Variants in LIN7B observed in about 807,000 individuals in gnomAD.
The protein encoded by LIN7B is lin-7 cell polarity scaffold B.
A neutral mutation model predicts 27.9 loss-of-function variants in LIN7B; 16 were observed. That is an observed-to-expected ratio of 0.57 (90% CI 0.39 to 0.87). LIN7B has a LOEUF of 0.87. LIN7B is among the 40% of genes least tolerant of loss of function. LIN7B has a pLI of 0.00. For synonymous variants in LIN7B, 147 were observed against 120.8 expected, an observed-to-expected ratio of 1.22 and a Z score of -1.42; for missense variants, 291 against 288.5, an observed-to-expected ratio of 1.01 and a Z score of -0.06.
At chr19:49,118,273 C>T in intron 5 of LIN7B, 79 bp from the exon 6 acceptor site, 4 of 1,527,690 alleles carry the variant, frequency 2.6e-6, no homozygotes, top group Non-Finnish European at 3.6e-6. Context: ...TGGGCCCTTG[C>T]CTCTGCAACC....
Position 49,114,903 on chromosome 19 carries a change from C to G in LIN7B, c.92C>G (p.Pro31Arg). 2 of 1,473,546 alleles carry G rather than the reference C, an allele frequency of 1.4e-6. No individual in the cohort carries two copies. Among genetic ancestry groups the G allele is most frequent in the Non-Finnish European group, 1.8e-6 (2 of 1,113,550 alleles). The allele number at this position is 1,473,546 out of a possible 1,614,324, so 91.3% of individuals were successfully genotyped here. A position where few individuals can be genotyped will look rare whatever the true frequency, so the allele number is the denominator to read the frequency against. ...LERLQRSGELPPQKLQALQRV... is the reference protein window; with the variant it reads ...LERLQRSGELRPQKLQALQRV... ...CGGCTCCAGCGCAGCGGGGAGCTGC[C>G]GCCGCAGAAGCTGCAGGCCCTCCAG... is the stretch of plus-strand genomic sequence containing the variant. The change falls in exon 2 of 6, where the codon CCG becomes CGG. Residue 31 changes from proline (P) to arginine (R), a missense_variant. Pro to Arg is a moderately radical substitution (Grantham distance 103). Coordinates refer to ENST00000221459, the MANE Select transcript of LIN7B (RefSeq NM_022165.3).
At chr19:49,117,245 C>CA (rs1256318523) in intron 4 of LIN7B, among the ~76,000 whole-genome samples, 1,889 of 35,788 alleles carry the variant, frequency 0.053, 77 homozygotes, top group African/African-American at 0.12. Flanking sequence ...GACTCCCTCT[C>CA]AAAAAAAAAA....
At chr19:49,115,028 T>G in intron 2 of LIN7B, 61 bp downstream of exon 2, 1 of 1,151,612 alleles carries the variant, frequency 8.7e-7, no homozygotes, top group Non-Finnish European at 1.2e-6. Context: ...CTCCTCCTCC[T>G]GCTTGTCCCG....
chr19:49,117,907 A>G lies in LIN7B; in HGVS notation c.491A>G (p.Gln164Arg). The G allele has an allele frequency of 4.3e-6, 7 of 1,613,768 alleles. No individual in the cohort carries two copies. Among genetic ancestry groups the G allele is most frequent in the Non-Finnish European group, 5.9e-6 (7 of 1,179,848 alleles). ...GCGGTGGAGCTGCTGAAGGCGGCCC[A>G]GGGCTCGGTGAAGCTGGTTGTCCGT... ...EKAVELLKAA[Q>R]GSVKLVVRYT... is the part of the protein sequence containing the mutation. The change falls in exon 5 of 6, where the codon CAG becomes CGG. Residue 164 changes from glutamine to arginine, a missense_variant. By Grantham distance (43) the Gln-to-Arg change is conservative. Coordinates refer to ENST00000221459, the MANE Select transcript of LIN7B (RefSeq NM_022165.3).
chr19:49,118,123 C>T, intron 5 of LIN7B, 105 bp downstream of exon 5: 4 of 1,521,916 alleles, frequency 2.6e-6, no homozygotes, highest in Non-Finnish European at 3.6e-6. Context: ...CCTGGCCCCT[C>T]CTCTGGGATC....
Position 49,114,834 on chromosome 19 carries a change from G to C in LIN7B, c.38-15G>C. On this transcript the variant is annotated splice_polypyrimidine_tract_variant and intron_variant, in intron 1 of 5. Coordinates refer to ENST00000221459, the MANE Select transcript of LIN7B (RefSeq NM_022165.3). ...CTGACACTCGGGGTTTCTGCGCCCC[G>C]CCCCCGCCCCGCAGACGTGTCCCGG... 1 of 1,401,334 alleles carries C rather than the reference G, an allele frequency of 7.1e-7. No individual in the cohort carries two copies. The highest frequency in any genetic ancestry group is 2.9e-5 in the Admixed American group (1 of 35,034). The allele number at this position is 1,401,334 out of a possible 1,614,324, so 86.8% of individuals were successfully genotyped here. A position where few individuals can be genotyped will look rare whatever the true frequency, so the allele number is the denominator to read the frequency against.
intron 1 of LIN7B, 86 bp downstream of exon 1, chr19:49,114,527 G>A (rs2040791227): frequency 1.9e-6 from 2 of 1,074,228 alleles, no homozygotes; most frequent in Admixed American, 4.4e-5. Context: ...GGTCAGGCCA[G>A]TGCGGGTGGG....
chr19:49,118,140 C>G, intron 5 of LIN7B, 122 bp downstream of exon 5: 1 of 1,488,666 alleles, frequency 6.7e-7, no homozygotes, highest in Non-Finnish European at 9.1e-7. Context: ...GATCCTGACC[C>G]TTGACCCTTG....
chr19:49,115,311 C>G lies in LIN7B; in HGVS notation c.208C>G (p.Arg70Gly), dbSNP rs1256125433. The G allele has an allele frequency of 1.3e-6, 2 of 1,572,644 alleles. No homozygotes were observed. The highest frequency in any genetic ancestry group is 1.7e-6 in the Non-Finnish European group (2 of 1,158,096). The part of the protein sequence containing the change: ...TLDITGSAEI[R>G]AHATAKATVA... ...GGACATCACCGGCAGCGCCGAGATCCGAGCCCATGCCACAGCCAAGGTGGG... is the reference window on the plus strand; with the variant it reads ...GGACATCACCGGCAGCGCCGAGATCGGAGCCCATGCCACAGCCAAGGTGGG... The change falls in exon 3 of 6, where the codon CGA becomes GGA. Residue 70 changes from arginine (R) to glycine (G), a missense_variant. Coordinates refer to ENST00000221459, the MANE Select transcript of LIN7B (RefSeq NM_022165.3).
rs555401918 is a variant in LIN7B, at chr19:49,115,090, G to A, written c.156+123G>A. The A allele has an allele frequency of 3.4e-5, 30 of 888,808 alleles. No homozygotes were observed. In the South Asian group the frequency reaches 5.6e-4, roughly 17 times the overall value. 55.1% of individuals were successfully genotyped at this position (888,808 alleles called of 1,614,324 possible). The stretch of plus-strand genomic sequence containing the variant: ...CTCCCGAGGCGGCCCGCCTTGGGGT[G>A]CCAACGCTTCAGCTCAGGGGTTCTT... On this transcript the variant is annotated intron_variant, in intron 2 of 5. Coordinates refer to ENST00000221459, the MANE Select transcript of LIN7B (RefSeq NM_022165.3).
intron 3 of LIN7B, chr19:49,116,000 A>T: frequency 2.7e-6 from 1 of 374,890 alleles, no homozygotes; most frequent in Non-Finnish European, 4.9e-6. Context: ...ACAGAGTGAG[A>T]CTTCATCTCA....
rs566862240 is a variant in LIN7B at position 49,118,407 on chromosome 19, TC to T, written c.*36del. 258 of 1,611,660 alleles carry T rather than the reference TC, an allele frequency of 1.6e-4. 13 individuals are homozygous for T. In the South Asian group the frequency reaches 2.7e-3, roughly 17 times the overall value. On this transcript the variant is annotated 3_prime_UTR_variant, in exon 6 of 6. Transcript: ENST00000221459. ...ATCTGGACGTTCACGTGCACTCTCT[TC>T]CTGTACAGTATTTATTGTTCCTGGC...
In LIN7B at chr19:49,114,413, G is replaced by T. The variant is rs1236877746; in HGVS notation, c.9G>T (p.Ala3=). 1.7e-6 allele frequency: 2 copies of T among 1,203,762 alleles called. No homozygotes were observed. Among genetic ancestry groups the T allele is most frequent in the Non-Finnish European group, 2.1e-6 (2 of 969,950 alleles). 74.6% of individuals were successfully genotyped at this position (1,203,762 alleles called of 1,614,324 possible). A position where few individuals can be genotyped will look rare whatever the true frequency, so the allele number is the denominator to read the frequency against. ...GCAGCTGTGGCGCCGACATGGCTGCGCTGGTGGAGCCGCTGGGGCTGGAGC... is the reference window on the plus strand; with the variant it reads ...GCAGCTGTGGCGCCGACATGGCTGCTCTGGTGGAGCCGCTGGGGCTGGAGC... MA[A]LVEPLGLERD... Residue 3 remains alanine, a synonymous_variant, in exon 1 of 6, where the codon GCG becomes GCT. Coordinates refer to ENST00000221459, the MANE Select transcript of LIN7B (RefSeq NM_022165.3).
Sources: allele counts gnomAD v4.1 joint callset (sites outside exome capture counted in the v4.1 genomes callset), GRCh38; gene constraint gnomAD v4.1.1; transcripts MANE v1.5; gene names NCBI Gene and HGNC (gene_info 2026-07-23, HGNC 2026-07-21).